The following RFX8 variants were observed in gnomAD, a reference collection of about 807,000 sequenced individuals.
RFX8 encodes the protein regulatory factor X8.
RFX8 carries 46 observed loss-of-function variants against 54.6 expected under a neutral mutation model. That is an observed-to-expected ratio of 0.84 (90% CI 0.67 to 1.08). The LOEUF (loss-of-function observed/expected upper bound fraction) is 1.08, where lower values mean the gene tolerates loss of function less well. Ranked by LOEUF, RFX8 falls within the 50% of genes least tolerant of loss-of-function variation. The pLI, the probability that RFX8 is intolerant of heterozygous loss-of-function variation, is 0.00. For missense variants in RFX8, 536 were observed against 562.3 expected, an observed-to-expected ratio of 0.95 and a Z score of 0.47; for synonymous variants, 192 against 209.5, an observed-to-expected ratio of 0.92 and a Z score of 0.72.
chr2:101,435,641 T>C (rs779243040), intron 2 of RFX8, among the ~76,000 whole-genome samples: 18 of 152,308 alleles, frequency 1.2e-4, no homozygotes, highest in South Asian at 2.1e-4. Context: ...GCTTGGATTC[T>C]TCCCTGAATT....
chr2:101,403,702 G>A (rs754548685), intron 10 of RFX8, among the ~76,000 whole-genome samples: 6 of 152,226 alleles, frequency 3.9e-5, no homozygotes, highest in East Asian at 1.9e-4. Flanking sequence ...CGGGAGAATC[G>A]CTTGAACCCA....
rs1208791676 is a variant in RFX8, at chr2:101,460,542, G to A, written c.72+6235C>T. ...AGTCTGGTCTAGTTTCCGAATCAGC[G>A]AGGTTCATGACAAGCGTGGCATCCA... On this transcript the variant is annotated intron_variant, in intron 2 of 11. Transcript: ENST00000428343. Among the ~76,000 whole-genome samples the A allele has an allele frequency of 2.6e-5, 4 of 152,110 alleles. No homozygotes were observed. In the East Asian group the frequency reaches 7.7e-4, roughly 29 times the overall value.
intron 1 of RFX8, 116 bp from the exon 2 acceptor site, chr2:101,467,016 A>AT: frequency 1.6e-6 from 1 of 634,102 alleles, no homozygotes; most frequent in Non-Finnish European, 2.8e-6. Context: ...AAACATGTCT[A>AT]ATTTATTGGA....
At chr2:101,452,472 T>C in intron 2 of RFX8, 1 of 1,253,166 alleles carries the variant, frequency 8.0e-7, no homozygotes, top group South Asian at 2.5e-5. Context: ...AGATTTAAAG[T>C]TGCAACTTGA....
intron 11 of RFX8, among the ~76,000 whole-genome samples, chr2:101,401,899 C>T (rs1400835436): frequency 1.3e-5 from 2 of 152,166 alleles, no homozygotes; most frequent in African/African-American, 4.8e-5. Flanking sequence ...CCTCAGTTTC[C>T]TCATCCATCA....
At chr2:101,447,011 A>G (rs1398694448) in intron 2 of RFX8, among the ~76,000 whole-genome samples, 1 of 152,204 alleles carries the variant, frequency 6.6e-6, no homozygotes, top group African/African-American at 2.4e-5. Context: ...GAGATGAATA[A>G]GAGATGTAAG....
At chr2:101,427,500 A>C (rs1015285043) in intron 2 of RFX8, among the ~76,000 whole-genome samples, 2 of 151,986 alleles carry the variant, frequency 1.3e-5, no homozygotes, top group Non-Finnish European at 2.9e-5. Context: ...TCTTCCCTAG[A>C]ATGTCCGGGA....
At chr2:101,440,312 G>T (rs1274295347) in intron 2 of RFX8, among the ~76,000 whole-genome samples, 1 of 152,162 alleles carries the variant, frequency 6.6e-6, no homozygotes, top group Non-Finnish European at 1.5e-5. Flanking sequence ...TTGGCTCTTG[G>T]AGTGTTCCCA....
At chr2:101,410,798 G>T in intron 8 of RFX8, 85 bp from the exon 9 acceptor site, 1 of 703,088 alleles carries the variant, frequency 1.4e-6, no homozygotes, top group South Asian at 1.7e-5. Flanking sequence ...GGGTAACCTG[G>T]AAACATCACT....
At chr2:101,463,196 T>G (rs1192994040) in intron 2 of RFX8, among the ~76,000 whole-genome samples, 1 of 152,204 alleles carries the variant, frequency 6.6e-6, no homozygotes, top group Non-Finnish European at 1.5e-5. Context: ...AGGGGACTTG[T>G]GTCTTCAGGC....
intron 6 of RFX8, 54 bp downstream of exon 6, chr2:101,417,480 A>C: frequency 6.7e-7 from 1 of 1,495,128 alleles, no homozygotes; most frequent in Non-Finnish European, 9.0e-7. Context: ...TGCTGGGATT[A>C]CAGGCATGAG....
chr2:101,400,261 TCTC>T (rs1685353661), intron 11 of RFX8, among the ~76,000 whole-genome samples: 1 of 152,172 alleles, frequency 6.6e-6, no homozygotes, highest in Non-Finnish European at 1.5e-5. Flanking sequence ...TCCTGAACCT[TCTC>T]CTTCGCCCAC....
chr2:101,437,013 G>A (rs1187526354), intron 2 of RFX8, among the ~76,000 whole-genome samples: 1 of 152,204 alleles, frequency 6.6e-6, no homozygotes, highest in Non-Finnish European at 1.5e-5. Flanking sequence ...TCCAAGAAAT[G>A]GGCAGGAAAG....
At chr2:101,420,630 C>T (rs1686813753) in intron 4 of RFX8, among the ~76,000 whole-genome samples, 1 of 152,136 alleles carries the variant, frequency 6.6e-6, no homozygotes, top group African/African-American at 2.4e-5. Flanking sequence ...ACATCATGCC[C>T]GTGAACATCA....
chr2:101,412,153 C>T (rs1686171808), intron 8 of RFX8, among the ~76,000 whole-genome samples: 1 of 152,162 alleles, frequency 6.6e-6, no homozygotes, highest in Non-Finnish European at 1.5e-5. Flanking sequence ...AAAGGACACA[C>T]ACAGGGGAGC....
At chr2:101,441,315 G>C (rs1688090298) in intron 2 of RFX8, among the ~76,000 whole-genome samples, 1 of 152,158 alleles carries the variant, frequency 6.6e-6, no homozygotes, top group Admixed American at 6.5e-5. Context: ...TGAGAGGTGA[G>C]GCCTTTAAGA....
At chr2:101,466,090 A>G (rs1689558560) in intron 2 of RFX8, among the ~76,000 whole-genome samples, 1 of 152,182 alleles carries the variant, frequency 6.6e-6, no homozygotes, top group African/African-American at 2.4e-5. Flanking sequence ...ATGTTTTGTA[A>G]GTAAAATTGA....
rs1460990539 is a variant in RFX8 at position 101,466,856 on chromosome 2, C to A, written c.-8G>T. On this transcript the variant is annotated 5_prime_UTR_variant, in exon 2 of 12. Coordinates refer to ENST00000428343, the MANE Select transcript of RFX8 (RefSeq NM_001145664.2). ...CACGTAAATCTCATACATGAGACAG[C>A]GAGGGACGCTGCACTCTTCGCAAAT... The A allele has an allele frequency of 3.4e-5, 53 of 1,548,626 alleles. No homozygotes were observed. The Middle Eastern group carries it at 1.5e-3, about 44-fold the overall frequency.
chr2:101,421,124 A>G, intron 4 of RFX8: 1 of 376,636 alleles, frequency 2.7e-6, no homozygotes, highest in Non-Finnish European at 3.7e-6. Flanking sequence ...GCTCGTGCTG[A>G]ATGAGCGTTA....
Sources: gnomAD v4.1 joint callset for allele counts (sites outside exome capture counted in the v4.1 genomes callset) on GRCh38, gnomAD v4.1.1 for gene constraint, MANE v1.5 for transcripts, NCBI Gene and HGNC (gene_info 2026-07-23, HGNC 2026-07-21) for gene names.